The following ATP10B variants were observed in gnomAD, a reference collection of about 807,000 sequenced individuals.
ATP10B encodes the protein phospholipid-transporting ATPase VB.
Under a neutral mutation model 141.2 loss-of-function variants are expected in ATP10B, and 122 were observed. The observed-to-expected ratio is 0.86, with a 90% CI of 0.75 to 1.00. The LOEUF is 1.00. Among genes scored for constraint, ATP10B ranks in the 50% least tolerant of loss-of-function variants. The pLI is 0.00. For synonymous variants in ATP10B, 685 were observed against 692.0 expected (o/e 0.99, Z 0.16); for missense variants, 1,876 against 1,825.3 (o/e 1.03, Z -0.51).
chr5:160,697,629 G>A (rs1764448225), intron 3 of ATP10B, among the ~76,000 whole-genome samples: 1 of 152,126 alleles, frequency 6.6e-6, no homozygotes, highest in South Asian at 2.1e-4. Context: ...GTTGTCTTTG[G>A]TTGGTAAAAG....
At chr5:160,925,899 C>A in the ATP10B span, among the ~76,000 whole-genome samples, 1 of 152,188 alleles carries the variant, frequency 6.6e-6, no homozygotes, top group African/African-American at 2.4e-5. Flanking sequence ...TTTCCAAGTA[C>A]CTTCATAGGC....
chr5:160,671,645 A>T (rs1762709864), intron 6 of ATP10B, among the ~76,000 whole-genome samples: 1 of 152,236 alleles, frequency 6.6e-6, no homozygotes, highest in Non-Finnish European at 1.5e-5. Flanking sequence ...CTTCCTATCC[A>T]ATTTATCAAG....
intron 2 of ATP10B, 60 bp from the exon 3 acceptor site, chr5:160,717,094 T>G: frequency 1.0e-6 from 1 of 959,358 alleles, no homozygotes; most frequent in Non-Finnish European, 1.2e-6. Context: ...TAAATGCTAT[T>G]TATATAAGGT....
In ATP10B at chr5:160,636,192, A is replaced by G. The variant is rs758538265; in HGVS notation, c.1118T>C (p.Ile373Thr). The G allele has an allele frequency of 6.2e-7, 1 of 1,608,930 alleles. No homozygotes were observed. The highest frequency in any genetic ancestry group is 8.5e-7 in the Non-Finnish European group (1 of 1,177,638). The change falls in exon 11 of 26, where the codon ATC (isoleucine) becomes ACC (threonine). Residue 373 changes from isoleucine to threonine, a missense_variant. Transcript: ENST00000327245. ...GGGAGGGCTTCCTACCTGGAGCAGG[A>G]TGATCATTGTGAGGAACATGTAGAA... ...GGFYMFLTMI[I>T]LLQVLIPISL...
chr5:160,750,104 T>C (rs1404431000), intron 2 of ATP10B, among the ~76,000 whole-genome samples: 1 of 152,220 alleles, frequency 6.6e-6, no homozygotes, highest in Non-Finnish European at 1.5e-5. Context: ...AATAAAAAGA[T>C]GTTCTGAACT....
chr5:160,781,676 T>G (rs1770723661), intron 2 of ATP10B, among the ~76,000 whole-genome samples: 1 of 152,170 alleles, frequency 6.6e-6, no homozygotes, highest in Admixed American at 6.6e-5. Flanking sequence ...TGGCACAACA[T>G]AACAGAACCC....
At chr5:160,621,304 T>C (rs1039677727) in intron 14 of ATP10B, among the ~76,000 whole-genome samples, 3 of 152,178 alleles carry the variant, frequency 2.0e-5, no homozygotes, top group African/African-American at 4.8e-5. Context: ...GCTGAGGACA[T>C]TGAGGTACAA....
chr5:160,601,416 G>T (rs754213943), intron 21 of ATP10B, among the ~76,000 whole-genome samples: 1 of 152,000 alleles, frequency 6.6e-6, no homozygotes, highest in African/African-American at 2.4e-5. Flanking sequence ...GAAATCTTGG[G>T]GTTTATTAAA....
At chr5:160,829,963 C>T (rs1774948773) in intron 1 of ATP10B, among the ~76,000 whole-genome samples, 1 of 152,062 alleles carries the variant, frequency 6.6e-6, no homozygotes, top group Non-Finnish European at 1.5e-5. Context: ...TTGCTGATTG[C>T]TCTGACTAGG....
intron 24 of ATP10B, among the ~76,000 whole-genome samples, chr5:160,586,009 G>C (rs1296207131): frequency 6.6e-6 from 1 of 152,148 alleles, no homozygotes; most frequent in Non-Finnish European, 1.5e-5. Context: ...TGTACAGAAC[G>C]TGCAAGTTTG....
At chr5:160,599,643 G>A (rs1168900146) in intron 21 of ATP10B, among the ~76,000 whole-genome samples, 1 of 152,190 alleles carries the variant, frequency 6.6e-6, no homozygotes, top group African/African-American at 2.4e-5. Context: ...CTCGTGAGAA[G>A]GTTGACTTCA....
chr5:160,766,636 G>A (rs1303503473), intron 2 of ATP10B, among the ~76,000 whole-genome samples: 1 of 152,144 alleles, frequency 6.6e-6, no homozygotes, highest in Admixed American at 6.6e-5. Context: ...CACATTGGGT[G>A]CAGTGTACAC....
rs371077589 is a variant in ATP10B, at chr5:160,619,764, C to T, written c.2416+583G>A. On this transcript the variant is annotated intron_variant, in intron 15 of 25. Transcript: ENST00000327245. ...TGGAACATTTTTCTGGCTCAGTGCA[C>T]GTTTATGAAAATCCATCTGGGGGAG... 4.6e-5 allele frequency among the ~76,000 whole-genome samples: 7 copies of T among 152,182 alleles called. No homozygotes were observed. In the East Asian group the frequency reaches 5.8e-4, roughly 13 times the overall value.
chr5:160,863,192 A>G, the ATP10B span, among the ~76,000 whole-genome samples: 1 of 151,944 alleles, frequency 6.6e-6, no homozygotes, highest in Non-Finnish European at 1.5e-5. Context: ...CTCGTTAGTG[A>G]GTTTATGGAA....
At chr5:160,778,962 C>T (rs532307439) in intron 2 of ATP10B, among the ~76,000 whole-genome samples, 7 of 152,040 alleles carry the variant, frequency 4.6e-5, no homozygotes, top group Admixed American at 2.0e-4. Context: ...TAGTAGTAGG[C>T]GTCTTAAGAG....
chr5:160,920,263 A>G, the ATP10B span, among the ~76,000 whole-genome samples: 16 of 152,184 alleles, frequency 1.1e-4, no homozygotes, highest in Non-Finnish European at 1.9e-4. Context: ...TCTAACTCCA[A>G]AGTCTGATTT....
At chr5:160,828,900 A>C (rs10046036) in intron 1 of ATP10B, among the ~76,000 whole-genome samples, 112,906 of 142,850 alleles carry the variant, frequency 0.79, 45,740 homozygotes, top group East Asian at 0.97. Flanking sequence ...AGTTCATGTC[A>C]TTTGTAGGGA....
intron 2 of ATP10B, among the ~76,000 whole-genome samples, chr5:160,774,503 A>G (rs1770138902): frequency 6.6e-6 from 1 of 152,208 alleles, no homozygotes; most frequent in South Asian, 2.1e-4. Context: ...AGGAGACATC[A>G]TATCTGCAAG....
intron 5 of ATP10B, 91 bp downstream of exon 5, chr5:160,687,709 G>C (rs1763843387): frequency 1.4e-6 from 2 of 1,415,554 alleles, no homozygotes; most frequent in East Asian, 2.3e-5. Context: ...AGGTTGCAGT[G>C]AGCCGAGATT....
Sources: allele counts gnomAD v4.1 joint callset (sites outside exome capture counted in the v4.1 genomes callset), GRCh38; gene constraint gnomAD v4.1.1; transcripts MANE v1.5; gene names NCBI Gene and HGNC (gene_info 2026-07-23, HGNC 2026-07-21).